Variants in SHISA6 observed in about 807,000 individuals in gnomAD.
SHISA6 encodes shisa family member 6, also known as protein shisa-6.
In SHISA6, 22 loss-of-function variants were observed where a neutral mutation model predicts 47.9. That is an observed-to-expected ratio of 0.46 (90% CI 0.33 to 0.66). The LOEUF (loss-of-function observed/expected upper bound fraction) is 0.66. SHISA6 is among the 30% of genes least tolerant of loss of function. The pLI is 0.02. For synonymous variants in SHISA6, 388 were observed against 337.8 expected (o/e 1.15, Z -1.63); for missense variants, 680 against 764.6 (o/e 0.89, Z 1.30).
chr17:11,431,139 C>T (rs1914760754), intron 3 of SHISA6, among the ~76,000 whole-genome samples: 1 of 152,208 alleles, frequency 6.6e-6, no homozygotes, highest in African/African-American at 2.4e-5. Context: ...GGATTCTCTT[C>T]TCATGTCCCC....
At chr17:11,516,717 A>C (rs2071588790) in intron 3 of SHISA6, among the ~76,000 whole-genome samples, 1 of 152,186 alleles carries the variant, frequency 6.6e-6, no homozygotes, top group South Asian at 2.1e-4. Context: ...AAATCCATCA[A>C]AGTGGTAGTC....
At chr17:11,553,624 C>T (rs1011999563) in intron 4 of SHISA6, among the ~76,000 whole-genome samples, 15 of 151,974 alleles carry the variant, frequency 9.9e-5, no homozygotes, top group Admixed American at 3.9e-4. Context: ...GACTATCAAG[C>T]GAGGAGGGGG....
intron 2 of SHISA6, among the ~76,000 whole-genome samples, chr17:11,367,126 C>G (rs1912478194): frequency 6.6e-6 from 1 of 152,072 alleles, no homozygotes; most frequent in Non-Finnish European, 1.5e-5. Flanking sequence ...TAGAGAAGGA[C>G]AGTGGAGAAA....
At chr17:11,545,596 C>A (rs2969192) in intron 3 of SHISA6, among the ~76,000 whole-genome samples, 81,153 of 152,068 alleles carry the variant, frequency 0.53, 22,850 homozygotes, top group African/African-American at 0.72. Flanking sequence ...GACTATAACT[C>A]TCCCAAAATA....
At chr17:11,412,784 G>T (rs540576364) in intron 3 of SHISA6, among the ~76,000 whole-genome samples, 1 of 152,192 alleles carries the variant, frequency 6.6e-6, no homozygotes, top group African/African-American at 2.4e-5. Context: ...TGTATTCCGT[G>T]CATTCCACCA....
intron 2 of SHISA6, among the ~76,000 whole-genome samples, chr17:11,372,258 G>C (rs1265361596): frequency 6.6e-6 from 1 of 152,150 alleles, no homozygotes; most frequent in Non-Finnish European, 1.5e-5. Context: ...AGATATTATG[G>C]AAAATTTTGA....
At chr17:11,283,793 A>G (rs1443022716) in intron 2 of SHISA6, among the ~76,000 whole-genome samples, 1 of 152,330 alleles carries the variant, frequency 6.6e-6, no homozygotes, top group South Asian at 2.1e-4. Flanking sequence ...GACTAATGGG[A>G]AAATTCCAGT....
intron 2 of SHISA6, among the ~76,000 whole-genome samples, chr17:11,334,876 G>A (rs2142207804): frequency 6.6e-6 from 1 of 152,318 alleles, no homozygotes; most frequent in Admixed American, 6.5e-5. Flanking sequence ...CCACTGGAGG[G>A]TGTGTTATAG....
chr17:11,383,496 C>T (rs1051075313), intron 3 of SHISA6, among the ~76,000 whole-genome samples: 3 of 151,978 alleles, frequency 2.0e-5, no homozygotes, highest in Non-Finnish European at 4.4e-5. Context: ...GCTCCATATC[C>T]CTCAAAGGCC....
At chr17:11,344,318 A>G (rs139204028) in intron 2 of SHISA6, among the ~76,000 whole-genome samples, 190 of 152,310 alleles carry the variant, frequency 1.2e-3, no homozygotes, top group African/African-American at 4.2e-3. Flanking sequence ...AAAAACGTTT[A>G]AAAATATGAT....
chr17:11,265,992 T>C (rs1908411935), intron 2 of SHISA6, among the ~76,000 whole-genome samples: 1 of 152,366 alleles, frequency 6.6e-6, no homozygotes, highest in African/African-American at 2.4e-5. Flanking sequence ...ATGGGAATAG[T>C]ATCCTGGCCC....
intron 2 of SHISA6, among the ~76,000 whole-genome samples, chr17:11,358,344 T>C (rs1054052895): frequency 2.0e-5 from 3 of 152,080 alleles, no homozygotes; most frequent in Non-Finnish European, 4.4e-5. Context: ...GTTTCATCCA[T>C]GTTGTAGTAC....
At chr17:11,535,903 GT>G (rs1170084629) in intron 3 of SHISA6, among the ~76,000 whole-genome samples, 1 of 151,868 alleles carries the variant, frequency 6.6e-6, no homozygotes, top group African/African-American at 2.4e-5. Flanking sequence ...GTGTGTGTGT[GT>G]GTGGTGTGTG....
chr17:11,268,317 G>T (rs1908506277), intron 2 of SHISA6, among the ~76,000 whole-genome samples: 1 of 152,098 alleles, frequency 6.6e-6, no homozygotes, highest in South Asian at 2.1e-4. Flanking sequence ...CAGAATGGAG[G>T]CTGCACAGGT....
chr17:11,271,648 C>T lies in SHISA6; in HGVS notation c.799+8122C>T, dbSNP rs1036373822. On this transcript the variant is annotated intron_variant, in intron 2 of 5. Coordinates refer to ENST00000441885, the MANE Select transcript of SHISA6 (RefSeq NM_207386.4). ...TTTTTTTTTGTATTTTTAGCAGAGA[C>T]GGGGTTTCACCATGTTGGCCAGGCT... 6.3e-5 allele frequency among the ~76,000 whole-genome samples: 8 copies of T among 127,916 alleles called. No homozygotes were observed. In the East Asian group the frequency reaches 7.1e-4, roughly 11 times the overall value. The allele number at this position is 127,916 out of a possible 152,430, so 83.9% of individuals were successfully genotyped here.
chr17:11,557,706 T>C (rs2071994691), intron 5 of SHISA6, 48 bp from the exon 6 acceptor site: 2 of 1,487,340 alleles, frequency 1.3e-6, no homozygotes, highest in Non-Finnish European at 1.8e-6. Flanking sequence ...GAGTCCTGGC[T>C]GCAGGGTCAC....
intron 2 of SHISA6, among the ~76,000 whole-genome samples, chr17:11,357,222 G>T (rs1033559498): frequency 2.0e-5 from 3 of 147,508 alleles, no homozygotes; most frequent in Non-Finnish European, 3.0e-5. Flanking sequence ...AGAAGAAGAA[G>T]AAGAAGAAGC....
intron 3 of SHISA6, among the ~76,000 whole-genome samples, chr17:11,417,085 G>GACA (rs142195801): frequency 0.011 from 1,747 of 151,928 alleles, 35 homozygotes; most frequent in African/African-American, 0.039. Context: ...CTGGCAAGCT[G>GACA]ACAACAACAA....
chr17:11,388,258 G>C (rs1913257985), intron 3 of SHISA6, among the ~76,000 whole-genome samples: 1 of 152,138 alleles, frequency 6.6e-6, no homozygotes, highest in Non-Finnish European at 1.5e-5. Context: ...AGTCTCCATG[G>C]CAACAGTGAG....
Sources: gnomAD v4.1 joint callset for allele counts (sites outside exome capture counted in the v4.1 genomes callset) on GRCh38, gnomAD v4.1.1 for gene constraint, MANE v1.5 for transcripts, NCBI Gene and HGNC (gene_info 2026-07-23, HGNC 2026-07-21) for gene names.